The following DACH1 variants were observed in gnomAD, a reference collection of about 807,000 sequenced individuals.
DACH1 encodes dachshund homolog 1.
In DACH1, 12 loss-of-function variants were observed where a neutral mutation model predicts 54.2. The observed-to-expected ratio is 0.22, with a 90% CI of 0.14 to 0.36. The LOEUF is 0.36. Ranked by LOEUF, DACH1 falls within the 10% of genes least tolerant of loss-of-function variation. The pLI is 1.00. For missense variants in DACH1, 805 were observed against 929.8 expected (o/e 0.87, Z 1.75); for synonymous variants, 386 against 366.2 (o/e 1.05, Z -0.62).
intron 7 of DACH1, among the ~76,000 whole-genome samples, chr13:71,481,432 T>C (rs1248408868): frequency 6.6e-6 from 1 of 152,214 alleles, no homozygotes; most frequent in Non-Finnish European, 1.5e-5. Context: ...TTTATATTAA[T>C]ATTCGTTGTA....
chr13:71,690,557 G>A (rs900604333), intron 1 of DACH1, among the ~76,000 whole-genome samples: 3 of 152,136 alleles, frequency 2.0e-5, no homozygotes, highest in South Asian at 2.1e-4. Flanking sequence ...TTGGGAAAAC[G>A]TTAATACTAT....
chr13:71,821,354 GT>G (rs1258906650), intron 1 of DACH1, among the ~76,000 whole-genome samples: 1 of 127,004 alleles, frequency 7.9e-6, no homozygotes, highest in African/African-American at 2.8e-5. Flanking sequence ...GTGTGCCTCA[GT>G]TCTCTCATCT....
intron 6 of DACH1, among the ~76,000 whole-genome samples, chr13:71,539,446 CTGTT>C (rs1883001745): frequency 6.6e-6 from 1 of 151,976 alleles, no homozygotes; most frequent in East Asian, 1.9e-4. Flanking sequence ...ATAAAATTAA[CTGTT>C]TGATTATCAA....
In DACH1 at chr13:71,739,208, C is replaced by T. The variant is rs556355492; in HGVS notation, c.849-57298G>A. ...TGGAGGTTGTGGTGAGCCGAGATCG[C>T]GCCATTGCATTCCAGCCTGGGTGAC... On this transcript the variant is annotated intron_variant, in intron 1 of 10. Coordinates refer to ENST00000613252, the MANE Select transcript of DACH1 (RefSeq NM_080759.6). 1.4e-4 allele frequency among the ~76,000 whole-genome samples: 21 copies of T among 151,910 alleles called. 1 individual carries two copies. Among genetic ancestry groups the T allele is most frequent in the Non-Finnish European group, 2.6e-4 (18 of 67,954 alleles).
intron 1 of DACH1, among the ~76,000 whole-genome samples, chr13:71,742,201 G>T (rs1384605367): frequency 2.2e-4 from 33 of 152,284 alleles, no homozygotes; most frequent in Non-Finnish European, 3.7e-4. Flanking sequence ...ACCCAGGTAT[G>T]TGGAACTGTA....
intron 3 of DACH1, among the ~76,000 whole-genome samples, chr13:71,584,567 A>G (rs2138442265): frequency 6.6e-6 from 1 of 152,282 alleles, no homozygotes; most frequent in African/African-American, 2.4e-5. Flanking sequence ...TTAAGACTTT[A>G]AGAATAGAAC....
At position 71,823,622 on chromosome 13, in the gene DACH1, T is replaced by C. The variant is rs74099149; in HGVS notation, c.848+42300A>G. Among the ~76,000 whole-genome samples the C allele has an allele frequency of 1.3e-3, 198 of 152,124 alleles. 2 individuals are homozygous for C. Among genetic ancestry groups the C allele is most frequent in the African/African-American group, 4.6e-3 (193 of 41,548 alleles). ...TATCACAGATAGCCAAAGGTAGCAT[T>C]AAACATAAGGCTAAAAGAAAGCAAT... is the stretch of plus-strand genomic sequence containing the variant. On this transcript the variant is annotated intron_variant, in intron 1 of 10. Transcript: ENST00000613252.
chr13:71,584,522 T>G (rs1035020898), intron 3 of DACH1, among the ~76,000 whole-genome samples: 1 of 152,144 alleles, frequency 6.6e-6, no homozygotes, highest in African/African-American at 2.4e-5. Context: ...TTAAATATAT[T>G]TATCCATTTT....
At chr13:71,702,032 AAAATAAAT>A (rs781055226) in intron 1 of DACH1, among the ~76,000 whole-genome samples, 4 of 152,146 alleles carry the variant, frequency 2.6e-5, no homozygotes, top group Admixed American at 2.6e-4. Flanking sequence ...CTTATCCAAA[AAAATAAAT>A]AAATAAAGTA....
At chr13:71,715,199 A>T (rs1307382714) in intron 1 of DACH1, among the ~76,000 whole-genome samples, 1 of 152,090 alleles carries the variant, frequency 6.6e-6, no homozygotes, top group African/African-American at 2.4e-5. Flanking sequence ...GCCTCTGAAT[A>T]GTAGAGACAA....
At chr13:71,440,809 TAAG>T in intron 10 of DACH1, 117 bp from the exon 11 acceptor site, 1 of 738,476 alleles carries the variant, frequency 1.4e-6, no homozygotes, top group Non-Finnish European at 2.2e-6. Context: ...TTTACTTGGT[TAAG>T]AAGTAACATT....
At chr13:71,559,702 C>A in intron 5 of DACH1, 118 bp downstream of exon 5, 1 of 1,316,094 alleles carries the variant, frequency 7.6e-7, no homozygotes. Context: ...GCTATTGCTA[C>A]AGAGTTTCAG....
At chr13:71,594,785 A>T (rs1227984699) in intron 3 of DACH1, among the ~76,000 whole-genome samples, 1 of 151,968 alleles carries the variant, frequency 6.6e-6, no homozygotes, top group African/African-American at 2.4e-5. Context: ...ATTTTTTCAT[A>T]TGTTTCTGTG....
At chr13:71,465,131 T>G (rs1052434819) in intron 10 of DACH1, among the ~76,000 whole-genome samples, 54 of 152,114 alleles carry the variant, frequency 3.5e-4, no homozygotes, top group Admixed American at 3.5e-3. Context: ...TTTATATTTA[T>G]AGTTTAAATG....
At chr13:71,781,977 A>G (rs1886401668) in intron 1 of DACH1, among the ~76,000 whole-genome samples, 1 of 152,206 alleles carries the variant, frequency 6.6e-6, no homozygotes, top group African/African-American at 2.4e-5. Flanking sequence ...GATTACTGCA[A>G]TAAGTACCAA....
intron 3 of DACH1, among the ~76,000 whole-genome samples, chr13:71,625,530 T>C (rs1876581309): frequency 6.6e-6 from 1 of 152,016 alleles, no homozygotes; most frequent in South Asian, 2.1e-4. Flanking sequence ...TGCCTGGCTT[T>C]TTTTCCCTTC....
chr13:71,810,610 A>G (rs746333950), intron 1 of DACH1, among the ~76,000 whole-genome samples: 2 of 152,298 alleles, frequency 1.3e-5, no homozygotes, highest in South Asian at 4.1e-4. Context: ...GAATACTATG[A>G]ATTTGTGTGT....
Position 71,475,226 on chromosome 13 carries a change from G to A in DACH1, c.2015-17C>T. On this transcript the variant is annotated splice_polypyrimidine_tract_variant and intron_variant, in intron 9 of 10. Coordinates refer to ENST00000613252, the MANE Select transcript of DACH1 (RefSeq NM_080759.6). ...TCAGAGAGTCTAAAAGCACAGAAAG[G>A]TAAGAGTGACACATATTTCATTTGA... 6.2e-7 allele frequency: 1 copy of A among 1,608,358 alleles called. No homozygotes were observed. The highest frequency in any genetic ancestry group is 8.5e-7 in the Non-Finnish European group (1 of 1,174,966).
At chr13:71,642,775 CT>C (rs1454636502) in intron 2 of DACH1, among the ~76,000 whole-genome samples, 1 of 152,082 alleles carries the variant, frequency 6.6e-6, no homozygotes, top group Non-Finnish European at 1.5e-5. Flanking sequence ...AATCCCAGCG[CT>C]TTGGGAGGCC....
Sources: allele counts gnomAD v4.1 joint callset (sites outside exome capture counted in the v4.1 genomes callset), GRCh38; gene constraint gnomAD v4.1.1; transcripts MANE v1.5; gene names NCBI Gene and HGNC (gene_info 2026-07-23, HGNC 2026-07-21).